The following SERPINE3 variants were observed in gnomAD, a reference collection of about 807,000 sequenced individuals.
The protein encoded by SERPINE3 is serpin family E member 3.
SERPINE3 carries 43 observed loss-of-function variants against 41.7 expected under a neutral mutation model. That is an observed-to-expected ratio of 1.03 (90% CI 0.81 to 1.33). The LOEUF is 1.33. Among genes scored for constraint, SERPINE3 ranks in the 40% most tolerant of loss-of-function variants. The pLI is 0.00. For synonymous variants in SERPINE3, 200 were observed against 192.2 expected, an observed-to-expected ratio of 1.04 and a Z score of -0.34; for missense variants, 440 against 491.7, an observed-to-expected ratio of 0.89 and a Z score of 0.99.
At chr13:51,344,812 C>T (rs545653735) in intron 4 of SERPINE3, among the ~76,000 whole-genome samples, 1 of 152,284 alleles carries the variant, frequency 6.6e-6, no homozygotes, top group Middle Eastern at 3.4e-3. Flanking sequence ...TGCAACTGTC[C>T]CCCGACTGAG....
intron 7 of SERPINE3, among the ~76,000 whole-genome samples, chr13:51,360,735 C>T (rs1252052327): frequency 6.6e-6 from 1 of 152,030 alleles, no homozygotes; most frequent in Non-Finnish European, 1.5e-5. Context: ...TAGACACATT[C>T]ATATTACTCT....
chr13:51,349,271 C>T (rs1955382869), intron 6 of SERPINE3, among the ~76,000 whole-genome samples: 1 of 152,138 alleles, frequency 6.6e-6, no homozygotes, highest in South Asian at 2.1e-4. Context: ...AAAAGTAAAT[C>T]TATGCACTAG....
In SERPINE3 at chr13:51,344,369, C is replaced by T; in HGVS notation, c.374C>T (p.Pro125Leu). The change falls in exon 4 of 10, where the codon CCC (proline) becomes CTC (leucine). Residue 125 changes from proline to leucine, a missense_variant. Pro to Leu is a moderately conservative substitution (Grantham distance 98, BLOSUM62 -3). Coordinates refer to ENST00000681248, the MANE Select transcript of SERPINE3 (RefSeq NM_001386375.1). ...LFVQVGTPLS[P>L]CFVEHVSWWA... ...GTGCAAGTGGGAACGCCACTGTCCCCCTGCTTTGTGGAGCACGTCTCCTGG... is the reference window on the plus strand; with the variant it reads ...GTGCAAGTGGGAACGCCACTGTCCCTCTGCTTTGTGGAGCACGTCTCCTGG... The T allele has an allele frequency of 6.2e-7, 1 of 1,613,626 alleles. No individual in the cohort carries two copies. Among genetic ancestry groups the T allele is most frequent in the Non-Finnish European group, 8.5e-7 (1 of 1,179,734 alleles).
At chr13:51,352,571 C>G (rs897192762) in intron 6 of SERPINE3, among the ~76,000 whole-genome samples, 2 of 151,758 alleles carry the variant, frequency 1.3e-5, no homozygotes, top group Non-Finnish European at 1.5e-5. Context: ...AACCTGGATG[C>G]CTTCTATTTC....
chr13:51,362,665 TTAAC>T (rs1330892704), intron 9 of SERPINE3: 1 of 152,402 alleles, frequency 6.6e-6, no homozygotes, highest in Non-Finnish European at 1.5e-5. Context: ...TGGATCTACT[TTAAC>T]TAAACATCAG....
At chr13:51,343,486 A>T (rs1270579858) in intron 3 of SERPINE3, among the ~76,000 whole-genome samples, 3 of 152,246 alleles carry the variant, frequency 2.0e-5, no homozygotes, top group Non-Finnish European at 1.5e-5. Context: ...CATGGAAAGA[A>T]GGAAGCAATC....
intron 7 of SERPINE3, among the ~76,000 whole-genome samples, chr13:51,358,155 T>G (rs1955510113): frequency 6.6e-6 from 1 of 152,094 alleles, no homozygotes; most frequent in Non-Finnish European, 1.5e-5. Flanking sequence ...CCGGGTGCTA[T>G]GTGTTTCTCT....
intron 6 of SERPINE3, among the ~76,000 whole-genome samples, chr13:51,349,437 T>C (rs1452963660): frequency 3.9e-5 from 6 of 152,182 alleles, no homozygotes; most frequent in African/African-American, 1.4e-4. Context: ...AAATACTGGA[T>C]ATTTCAACAG....
chr13:51,361,999 TGTTTTTATG>T, intron 9 of SERPINE3, 106 bp downstream of exon 9: 1 of 1,610,250 alleles, frequency 6.2e-7, no homozygotes, highest in South Asian at 1.1e-5. Context: ...TCTTTCTAGC[TGTTTTTATG>T]GTGCTTCAGA....
chr13:51,361,450 C>G, intron 8 of SERPINE3, 86 bp downstream of exon 8: 1 of 843,478 alleles, frequency 1.2e-6, no homozygotes, highest in East Asian at 2.6e-5. Flanking sequence ...ACTTCTGAAT[C>G]TTTCCATAAC....
chr13:51,356,570 TACTG>T (rs1287930302), intron 7 of SERPINE3, among the ~76,000 whole-genome samples: 3 of 152,142 alleles, frequency 2.0e-5, no homozygotes, highest in East Asian at 1.9e-4. Flanking sequence ...CACTAGGGCT[TACTG>T]ACTGTCCCTT....
intron 6 of SERPINE3, among the ~76,000 whole-genome samples, chr13:51,350,112 G>A (rs928845778): frequency 3.9e-5 from 6 of 152,066 alleles, no homozygotes; most frequent in Admixed American, 3.9e-4. Context: ...TCTGCAGTCA[G>A]CAGGCATTTT....
At chr13:51,341,689 G>A (rs963168902) in intron 3 of SERPINE3, among the ~76,000 whole-genome samples, 2 of 152,200 alleles carry the variant, frequency 1.3e-5, no homozygotes, top group Admixed American at 1.3e-4. Flanking sequence ...CCCTAGCATA[G>A]TGCCTTCCTA....
At chr13:51,354,611 T>G (rs886239472) in intron 6 of SERPINE3, among the ~76,000 whole-genome samples, 1 of 150,486 alleles carries the variant, frequency 6.6e-6, no homozygotes, top group Non-Finnish European at 1.5e-5. Context: ...AAAAAGTGTT[T>G]AAAAAATGAA....
At chr13:51,359,576 C>T (rs909823788) in intron 7 of SERPINE3, among the ~76,000 whole-genome samples, 2 of 152,060 alleles carry the variant, frequency 1.3e-5, no homozygotes, top group African/African-American at 2.4e-5. Context: ...CAGACTCATC[C>T]ACATCAACTG....
intron 6 of SERPINE3, among the ~76,000 whole-genome samples, chr13:51,348,811 T>C (rs9526751): frequency 0.16 from 10,464 of 65,814 alleles, 1 homozygote; most frequent in African/African-American, 0.32. Flanking sequence ...CTGTCATTTT[T>C]CCAAAACCAA....
rs915018501 is a variant in SERPINE3, at chr13:51,364,554, A to G, written c.*272A>G. On this transcript the variant is annotated 3_prime_UTR_variant, in exon 10 of 10. Coordinates refer to ENST00000681248, the MANE Select transcript of SERPINE3 (RefSeq NM_001386375.1). ...AGTGATCATGAATGGTGAGTGAGTC[A>G]GGCCATAAGATTGCTTCCTCAGTAC... is the stretch of plus-strand genomic sequence containing the variant. 3.1e-6 allele frequency: 1 copy of G among 318,578 alleles called. No individual in the cohort carries two copies. Among genetic ancestry groups the G allele is most frequent in the Non-Finnish European group, 5.7e-6 (1 of 175,828 alleles). The allele number at this position is 318,578 out of a possible 1,614,324, so 19.7% of individuals were successfully genotyped here.
In SERPINE3 at chr13:51,361,875, C is replaced by T. The variant is rs371870716; in HGVS notation, c.1153C>T (p.Leu385=). The T allele has an allele frequency of 5.1e-5, 83 of 1,611,654 alleles. 2 individuals carry two copies. In the African/African-American group the frequency reaches 8.6e-4, roughly 17 times the overall value. The change falls in exon 9 of 10, where the codon CTG becomes TTG. Residue 385 remains leucine, a synonymous_variant. Coordinates refer to ENST00000681248, the MANE Select transcript of SERPINE3 (RefSeq NM_001386375.1). The stretch of plus-strand genomic sequence containing the variant: ...AGCAGATCGGCCATTCATCTATTTC[C>T]TGAGAGAACCTAACACAGGTATTAC... ...FKADRPFIYF[L]REPNTGFVFS... is the part of the protein sequence containing the mutation.
intron 9 of SERPINE3, 119 bp downstream of exon 9, chr13:51,362,012 C>CT (rs1955587954): frequency 5.0e-6 from 8 of 1,606,864 alleles, no homozygotes; most frequent in African/African-American, 1.3e-5. Flanking sequence ...TTTTATGGTG[C>CT]TTCAGAAGCT....
Sources: allele counts gnomAD v4.1 joint callset (sites outside exome capture counted in the v4.1 genomes callset), GRCh38; gene constraint gnomAD v4.1.1; transcripts MANE v1.5; gene names NCBI Gene and HGNC (gene_info 2026-07-23, HGNC 2026-07-21).